SPOCK3: variants seen among roughly 807,000 people sequenced by gnomAD.
The protein encoded by SPOCK3 is SPARC (osteonectin), cwcv and kazal like domains proteoglycan 3, also known as testican-3.
In SPOCK3, 30 loss-of-function variants were observed where a neutral mutation model predicts 56.6. The ratio of observed to expected loss-of-function variants is 0.53; its 90% CI spans 0.40 to 0.72. The LOEUF (loss-of-function observed/expected upper bound fraction) is 0.72. Ranked by LOEUF, SPOCK3 falls within the 30% of genes least tolerant of loss-of-function variation. SPOCK3 has a pLI of 0.00. For synonymous variants in SPOCK3, 196 were observed against 183.3 expected, an observed-to-expected ratio of 1.07 and a Z score of -0.56; for missense variants, 527 against 530.0, an observed-to-expected ratio of 0.99 and a Z score of 0.06.
intron 4 of SPOCK3, among the ~76,000 whole-genome samples, chr4:166,950,660 T>C (rs1050242166): frequency 6.7e-6 from 1 of 149,242 alleles, no homozygotes; most frequent in Non-Finnish European, 1.5e-5. Context: ...CCACACCTAT[T>C]CCAAAATTGA....
chr4:167,111,490 A>C (rs1447115162), intron 2 of SPOCK3, among the ~76,000 whole-genome samples: 2 of 152,178 alleles, frequency 1.3e-5, no homozygotes, highest in African/African-American at 4.8e-5. Flanking sequence ...TCTACATAAT[A>C]CTTGCTTAAT....
In SPOCK3 at chr4:166,805,448, T is replaced by C. The variant is rs181431473; in HGVS notation, c.590-13159A>G. On this transcript the variant is annotated intron_variant, in intron 6 of 10. Coordinates refer to ENST00000357545, the MANE Select transcript of SPOCK3 (RefSeq NM_001040159.2). The stretch of plus-strand genomic sequence containing the variant: ...TACCTACAATGTGTAAAAATAATAG[T>C]CTGATACGATTTGATAGATTAGGTA... Among the ~76,000 whole-genome samples, 216 of 152,174 alleles carry C rather than the reference T, an allele frequency of 1.4e-3. 2 individuals are homozygous for C. The highest frequency in any genetic ancestry group is 4.5e-3 in the African/African-American group (189 of 41,552).
chr4:167,025,901 T>C (rs1751655829), intron 3 of SPOCK3, among the ~76,000 whole-genome samples: 1 of 152,060 alleles, frequency 6.6e-6, no homozygotes, highest in Admixed American at 6.6e-5. Flanking sequence ...CTAGGCTACA[T>C]GGTGGAGCCT....
chr4:167,199,225 T>TTGTG (rs58765976), intron 2 of SPOCK3, among the ~76,000 whole-genome samples: 2,116 of 142,034 alleles, frequency 0.015, 25 homozygotes, highest in African/African-American at 0.034. Flanking sequence ...AAATATTTGT[T>TTGTG]TGTGTGTGTG....
At chr4:167,113,703 G>T (rs1018367560) in intron 2 of SPOCK3, among the ~76,000 whole-genome samples, 1 of 152,018 alleles carries the variant, frequency 6.6e-6, no homozygotes, top group Non-Finnish European at 1.5e-5. Context: ...TAGGCCTACG[G>T]TACAAGAAAG....
chr4:166,764,531 T>C (rs111467406), intron 7 of SPOCK3, among the ~76,000 whole-genome samples: 9 of 152,262 alleles, frequency 5.9e-5, no homozygotes, highest in African/African-American at 2.2e-4. Context: ...CATCCTTTTT[T>C]ATGGCTGCCT....
intron 3 of SPOCK3, among the ~76,000 whole-genome samples, chr4:167,007,360 T>C (rs1019712944): frequency 8.5e-5 from 13 of 152,234 alleles, no homozygotes; most frequent in Non-Finnish European, 1.6e-4. Context: ...AGATTATTCA[T>C]AATGCCTAAT....
At chr4:166,860,802 C>CATATATATATATGTATATATATAT (rs1553989665) in intron 6 of SPOCK3, among the ~76,000 whole-genome samples, 1 of 101,938 alleles carries the variant, frequency 9.8e-6, no homozygotes, top group Non-Finnish European at 2.0e-5. Flanking sequence ...CACACAAATT[C>CATATATATATATGTATATATATAT]ATATATATAT....
At chr4:166,968,241 T>A (rs1245997318) in intron 4 of SPOCK3, among the ~76,000 whole-genome samples, 1 of 152,126 alleles carries the variant, frequency 6.6e-6, no homozygotes, top group East Asian at 1.9e-4. Context: ...CCTGAACATG[T>A]GGTAGAAAAG....
chr4:167,200,437 G>A (rs753761047), intron 2 of SPOCK3, among the ~76,000 whole-genome samples: 6 of 151,876 alleles, frequency 4.0e-5, no homozygotes, highest in African/African-American at 7.2e-5. Context: ...TACAAAGTAC[G>A]GCAAGGAGTA....
chr4:166,940,583 C>T (rs966174265), intron 4 of SPOCK3, among the ~76,000 whole-genome samples: 37 of 151,664 alleles, frequency 2.4e-4, no homozygotes, highest in Admixed American at 2.4e-3. Flanking sequence ...TACCTGTCCT[C>T]AAACTGACCC....
intron 4 of SPOCK3, among the ~76,000 whole-genome samples, chr4:166,955,039 T>G (rs906680489): frequency 1.3e-5 from 2 of 152,184 alleles, no homozygotes; most frequent in African/African-American, 4.8e-5. Context: ...TCCTTTCTAA[T>G]GTTAACTCTT....
chr4:167,196,034 T>C (rs1252464734), intron 2 of SPOCK3, among the ~76,000 whole-genome samples: 1 of 152,226 alleles, frequency 6.6e-6, no homozygotes, highest in Non-Finnish European at 1.5e-5. Flanking sequence ...GTATATTCTA[T>C]CAGTTCTTTT....
chr4:167,195,471 G>T (rs537207346), intron 2 of SPOCK3, among the ~76,000 whole-genome samples: 56 of 152,306 alleles, frequency 3.7e-4, no homozygotes, highest in African/African-American at 1.2e-3. Context: ...TTCAGGATCT[G>T]CTCTGGGACC....
chr4:166,968,081 G>A (rs962513995), intron 4 of SPOCK3, among the ~76,000 whole-genome samples: 5 of 152,294 alleles, frequency 3.3e-5, no homozygotes, highest in Non-Finnish European at 7.4e-5. Flanking sequence ...AGGGTAGCTG[G>A]TGGAAGAAGT....
chr4:167,224,108 T>C (rs1371207563), intron 2 of SPOCK3, among the ~76,000 whole-genome samples: 3 of 152,142 alleles, frequency 2.0e-5, no homozygotes, highest in Non-Finnish European at 4.4e-5. Flanking sequence ...TAAAATTATT[T>C]CCATCAAATA....
chr4:166,814,347 A>G (rs749048812), intron 6 of SPOCK3, among the ~76,000 whole-genome samples: 11 of 152,048 alleles, frequency 7.2e-5, no homozygotes, highest in Non-Finnish European at 1.6e-4. Flanking sequence ...GCTGATAGGT[A>G]AAGTATTGTT....
At chr4:166,865,544 C>T (rs994672635) in intron 6 of SPOCK3, among the ~76,000 whole-genome samples, 1 of 152,092 alleles carries the variant, frequency 6.6e-6, no homozygotes, top group African/African-American at 2.4e-5. Context: ...CCATCTCAGG[C>T]CAAAAACTCC....
chr4:167,224,205 C>T (rs1351105039), intron 2 of SPOCK3, among the ~76,000 whole-genome samples: 1 of 151,896 alleles, frequency 6.6e-6, no homozygotes, highest in African/African-American at 2.4e-5. Context: ...ATCTTGCTTA[C>T]TATATACATG....
Sources: gnomAD v4.1 joint callset for allele counts (sites outside exome capture counted in the v4.1 genomes callset) on GRCh38, gnomAD v4.1.1 for gene constraint, MANE v1.5 for transcripts, NCBI Gene and HGNC (gene_info 2026-07-23, HGNC 2026-07-21) for gene names.